The following LRPPRC variants were observed in gnomAD, a reference collection of about 807,000 sequenced individuals.
The protein encoded by LRPPRC is leucine rich pentatricopeptide repeat containing, also known as leucine-rich PPR motif-containing protein, mitochondrial.
LRPPRC carries 120 observed loss-of-function variants against 180.3 expected under a neutral mutation model. That is an observed-to-expected ratio of 0.67 (90% CI 0.57 to 0.77). LRPPRC has a LOEUF of 0.77. Ranked by LOEUF, LRPPRC falls within the 30% of genes least tolerant of loss-of-function variation. LRPPRC has a pLI of 0.00. For missense variants in LRPPRC, 2,012 were observed against 1,657.2 expected, an observed-to-expected ratio of 1.21 and a Z score of -3.72; for synonymous variants, 723 against 600.0, an observed-to-expected ratio of 1.21 and a Z score of -3.00.
intron 1 of LRPPRC, among the ~76,000 whole-genome samples, chr2:43,993,776 G>A (rs761292453): frequency 1.3e-5 from 2 of 150,860 alleles, no homozygotes; most frequent in African/African-American, 4.9e-5. Flanking sequence ...AATGATATCA[G>A]ACAAGTGAGG....
In LRPPRC at chr2:43,991,886, T is replaced by G. The variant is rs907297265; in HGVS notation, c.149+3913A>C. On this transcript the variant is annotated intron_variant, in intron 1 of 37. Coordinates refer to ENST00000260665, the MANE Select transcript of LRPPRC (RefSeq NM_133259.4). ...GTGTAGACACACTGCACTGCATGGG[T>G]GGGTTAAGCATCCCTTCAATCTCCT... Among the ~76,000 whole-genome samples, 67 of 152,144 alleles carry G rather than the reference T, an allele frequency of 4.4e-4. 1 individual carries two copies. Among genetic ancestry groups the G allele is most frequent in the Non-Finnish European group, 1.5e-5 (1 of 68,020 alleles).
chr2:43,889,863 A>G lies in LRPPRC; in HGVS notation c.3999T>C (p.Asp1333=), dbSNP rs202177904. Residue 1333 remains aspartate, a synonymous_variant, in exon 37 of 38, where the codon GAT becomes GAC. Coordinates refer to ENST00000260665, the MANE Select transcript of LRPPRC (RefSeq NM_133259.4). ...SLMKSYVSEK[D]VTSAKALYEH... is the part of the protein sequence containing the mutation. Reference sequence around the variant, plus strand: ...CATACAGTGCTTTAGCAGATGTGACATCTTTCTCTGAGACTGACATAAAGA... The same window carrying G: ...CATACAGTGCTTTAGCAGATGTGACGTCTTTCTCTGAGACTGACATAAAGA... The G allele has an allele frequency of 5.3e-5, 85 of 1,607,982 alleles. No homozygotes were observed. The highest frequency in any genetic ancestry group is 6.7e-5 in the Non-Finnish European group (79 of 1,174,298).
chr2:43,947,853 G>C (rs1231462833), intron 18 of LRPPRC, 78 bp from the exon 19 acceptor site: 2 of 934,450 alleles, frequency 2.1e-6, no homozygotes, highest in African/African-American at 1.6e-5. Flanking sequence ...AAGCAAATTT[G>C]TAAGTCTCAC....
At chr2:43,926,308 C>A (rs752002265) in intron 25 of LRPPRC, among the ~76,000 whole-genome samples, 1 of 152,156 alleles carries the variant, frequency 6.6e-6, no homozygotes, top group African/African-American at 2.4e-5. Context: ...AATGGTTATA[C>A]TGTCTTTAGT....
chr2:43,901,798 T>C (rs1420961060), intron 31 of LRPPRC: 1 of 392,336 alleles, frequency 2.5e-6, no homozygotes. Context: ...CATTTAGGGA[T>C]AACATTCAGT....
intron 29 of LRPPRC, among the ~76,000 whole-genome samples, chr2:43,917,345 G>T (rs1018064278): frequency 1.3e-5 from 2 of 151,552 alleles, no homozygotes; most frequent in African/African-American, 4.8e-5. Context: ...CACAATGCCC[G>T]GCCTGCTTCG....
chr2:43,933,588 C>T (rs990186319), intron 25 of LRPPRC, among the ~76,000 whole-genome samples: 23 of 151,910 alleles, frequency 1.5e-4, no homozygotes, highest in African/African-American at 5.6e-4. Context: ...TATAGTTGGC[C>T]CTTGACTTAT....
At chr2:43,931,834 T>C (rs959932830) in intron 25 of LRPPRC, among the ~76,000 whole-genome samples, 2 of 152,132 alleles carry the variant, frequency 1.3e-5, no homozygotes, top group African/African-American at 4.8e-5. Flanking sequence ...TGAAGCTCTT[T>C]AGCAAAGGTG....
chr2:43,919,106 C>G (rs2105028457), intron 27 of LRPPRC, among the ~76,000 whole-genome samples: 1 of 151,800 alleles, frequency 6.6e-6, no homozygotes, highest in African/African-American at 2.4e-5. Flanking sequence ...AGATCAGCGG[C>G]AGCATTAGAT....
chr2:43,946,085 C>T, intron 21 of LRPPRC, 28 bp downstream of exon 21: 1 of 1,608,810 alleles, frequency 6.2e-7, no homozygotes, highest in Non-Finnish European at 8.5e-7. Context: ...TAAATGTTGA[C>T]AACTTGTTTC....
At chr2:43,889,516 G>C (rs1670404336) in intron 37 of LRPPRC, among the ~76,000 whole-genome samples, 1 of 152,022 alleles carries the variant, frequency 6.6e-6, no homozygotes, top group Non-Finnish European at 1.5e-5. Context: ...GAAGGTCTGA[G>C]ACAGACCTTG....
chr2:43,916,075 G>C lies in LRPPRC; in HGVS notation c.3148+1950C>G, dbSNP rs1413615905. On this transcript the variant is annotated intron_variant, in intron 29 of 37. Transcript: ENST00000260665. ...CCTGCAAGCCTGGCCAAACCTTCTA[G>C]TTAAGTTAGGAAATTAAGAAGTTCT... Among the ~76,000 whole-genome samples the C allele has an allele frequency of 3.3e-5, 5 of 152,196 alleles. No individual in the cohort carries two copies. The East Asian group carries it at 7.7e-4, about 24-fold the overall frequency.
chr2:43,894,740 A>G (rs554628983), intron 35 of LRPPRC, 111 bp from the exon 36 acceptor site: 9 of 694,920 alleles, frequency 1.3e-5, no homozygotes, highest in Non-Finnish European at 2.1e-5. Context: ...TAACAGAACT[A>G]CCTATTAAAT....
At chr2:43,901,143 G>C (rs1408998923) in intron 32 of LRPPRC, among the ~76,000 whole-genome samples, 177 bp downstream of exon 32, 1 of 152,124 alleles carries the variant, frequency 6.6e-6, no homozygotes, top group Non-Finnish European at 1.5e-5. Flanking sequence ...AAGATTTAAG[G>C]TAAAGAAAAA....
chr2:43,926,426 G>A (rs756282150), intron 25 of LRPPRC, among the ~76,000 whole-genome samples: 2 of 152,064 alleles, frequency 1.3e-5, no homozygotes, highest in Non-Finnish European at 2.9e-5. Flanking sequence ...GAGTCTCAAT[G>A]GCATGATCTT....
intron 1 of LRPPRC, among the ~76,000 whole-genome samples, chr2:43,991,501 C>T (rs930924131): frequency 5.3e-5 from 8 of 152,302 alleles, no homozygotes; most frequent in African/African-American, 1.9e-4. Context: ...ACAGATTGAG[C>T]TCAAAGCTTA....
In LRPPRC at chr2:43,974,140, G is replaced by A; in HGVS notation, c.1155+10C>T. Reference sequence around the variant, plus strand: ...TTACATTGTCTACAAAGTAAAAGTGGACAGAATACCGTATTCATAGTCACA... The same window carrying A: ...TTACATTGTCTACAAAGTAAAAGTGAACAGAATACCGTATTCATAGTCACA... On this transcript the variant is annotated intron_variant, in intron 9 of 37. Coordinates refer to ENST00000260665, the MANE Select transcript of LRPPRC (RefSeq NM_133259.4). 6.2e-7 allele frequency: 1 copy of A among 1,612,216 alleles called. No individual in the cohort carries two copies. The highest frequency in any genetic ancestry group is 8.5e-7 in the Non-Finnish European group (1 of 1,178,308).
Position 43,960,579 on chromosome 2 carries a change from T to C in LRPPRC, c.1544A>G (p.Glu515Gly), listed in dbSNP as rs1164879709. The C allele has an allele frequency of 6.2e-7, 1 of 1,606,520 alleles. No individual in the cohort carries two copies. The highest frequency in any genetic ancestry group is 8.5e-7 in the Non-Finnish European group (1 of 1,174,262). ...DMFSQAGLRS[E>G]AANGNLDFVL... is the part of the protein sequence containing the mutation. Reference sequence around the variant, plus strand: ...AAAGTCTAAGTTCCCATTTGCTGCTTCACTTCTCAATCCAGCTTGAGAAAA... The same window carrying C: ...AAAGTCTAAGTTCCCATTTGCTGCTCCACTTCTCAATCCAGCTTGAGAAAA... Residue 515 changes from glutamate (E) to glycine (G), a missense_variant, in exon 13 of 38, where the codon GAA becomes GGA. Glu to Gly is a moderately conservative substitution (Grantham distance 98). Transcript: ENST00000260665.
intron 1 of LRPPRC, among the ~76,000 whole-genome samples, chr2:43,994,074 A>G (rs1674908874): frequency 6.6e-6 from 1 of 152,126 alleles, no homozygotes; most frequent in African/African-American, 2.4e-5. Flanking sequence ...CAGTGAAGAT[A>G]AAAGAAAATG....
Sources: allele counts gnomAD v4.1 joint callset (sites outside exome capture counted in the v4.1 genomes callset), GRCh38; gene constraint gnomAD v4.1.1; transcripts MANE v1.5; gene names NCBI Gene and HGNC (gene_info 2026-07-23, HGNC 2026-07-21).